Variants in NOX4 observed in about 807,000 individuals in gnomAD.
NOX4 encodes the protein kidney oxidase-1.
In NOX4, 69 loss-of-function variants were observed where a neutral mutation model predicts 87.6. The ratio of observed to expected loss-of-function variants is 0.79; its 90% CI spans 0.65 to 0.96. NOX4 has a LOEUF of 0.96. Ranked by LOEUF, NOX4 falls within the 40% of genes least tolerant of loss-of-function variation. NOX4 has a pLI of 0.00. For missense variants in NOX4, 680 were observed against 681.5 expected (o/e 1.00, Z 0.02); for synonymous variants, 275 against 238.2 (o/e 1.15, Z -1.42).
chr11:89,445,854 G>T (rs1467963031), intron 4 of NOX4, among the ~76,000 whole-genome samples: 1 of 152,000 alleles, frequency 6.6e-6, no homozygotes, highest in Non-Finnish European at 1.5e-5. Flanking sequence ...ATGAAAGAAA[G>T]AATTAATAAG....
chr11:89,573,407 C>T, the NOX4 span, among the ~76,000 whole-genome samples: 19 of 152,154 alleles, frequency 1.2e-4, no homozygotes, highest in African/African-American at 4.1e-4. Context: ...GGCGTGGTGG[C>T]GGACGCCTGT....
chr11:89,470,112 C>A (rs564107444), intron 2 of NOX4, among the ~76,000 whole-genome samples: 4 of 151,356 alleles, frequency 2.6e-5, no homozygotes, highest in Admixed American at 2.6e-4. Context: ...AGATACCTAC[C>A]CCAAAGGGTT....
intron 2 of NOX4, among the ~76,000 whole-genome samples, chr11:89,452,477 G>A (rs1462281912): frequency 1.3e-5 from 2 of 151,886 alleles, no homozygotes; most frequent in Admixed American, 1.3e-4. Context: ...AGAACCCACT[G>A]GTATACAAGC....
At chr11:89,551,025 A>G in the NOX4 span, among the ~76,000 whole-genome samples, 278 of 152,258 alleles carry the variant, frequency 1.8e-3, 3 homozygotes, top group Admixed American at 0.016. Flanking sequence ...TCCCAAAGTC[A>G]TTTATTAAAT....
the NOX4 span, among the ~76,000 whole-genome samples, chr11:89,515,284 GT>G: frequency 1.3e-5 from 2 of 151,596 alleles, no homozygotes; most frequent in Non-Finnish European, 3.0e-5. Context: ...TTTAGCGTGA[GT>G]TTTTTTTAGC....
At chr11:89,346,224 C>T (rs1337822305) in intron 13 of NOX4, among the ~76,000 whole-genome samples, 3 of 151,882 alleles carry the variant, frequency 2.0e-5, no homozygotes. Context: ...TTAAAAGGAA[C>T]ATGGTTTGAA....
the NOX4 span, among the ~76,000 whole-genome samples, chr11:89,521,401 A>T: frequency 0.52 from 78,889 of 151,886 alleles, 21,187 homozygotes; most frequent in African/African-American, 0.65. Context: ...ATTTGATCTT[A>T]GACAAAGTCA....
chr11:89,378,585 G>A (rs567928122), intron 11 of NOX4, among the ~76,000 whole-genome samples: 23 of 151,958 alleles, frequency 1.5e-4, no homozygotes, highest in Non-Finnish European at 2.6e-4. Flanking sequence ...CTTACACATA[G>A]AAGGTATCAG....
intron 2 of NOX4, among the ~76,000 whole-genome samples, chr11:89,457,973 C>T (rs1203164263): frequency 6.6e-6 from 1 of 152,120 alleles, no homozygotes; most frequent in Admixed American, 6.5e-5. Flanking sequence ...GTTAAAATGG[C>T]CATACTGGCC....
At chr11:89,505,110 G>T in the NOX4 span, among the ~76,000 whole-genome samples, 308 of 152,006 alleles carry the variant, frequency 2.0e-3, no homozygotes, top group African/African-American at 7.1e-3. Context: ...AAGTCTCAGA[G>T]GAAGGACTAT....
intron 7 of NOX4, among the ~76,000 whole-genome samples, chr11:89,432,174 G>T (rs530057249): frequency 2.0e-5 from 3 of 151,926 alleles, no homozygotes; most frequent in Non-Finnish European, 4.4e-5. Context: ...ACACAGGAAG[G>T]GGAACATCAC....
At position 89,490,531 on chromosome 11, in the gene NOX4, A is replaced by G; in HGVS notation, c.80T>C (p.Val27Ala). 1.2e-6 allele frequency: 2 copies of G among 1,614,026 alleles called. No individual in the cohort carries two copies. Among genetic ancestry groups the G allele is most frequent in the Non-Finnish European group, 1.7e-6 (2 of 1,179,914 alleles). The change falls in exon 2 of 18, where the codon GTC becomes GCC. Residue 27 changes from valine (V) to alanine (A), a missense_variant. By Grantham distance (64) the Val-to-Ala change is moderately conservative. Transcript: ENST00000263317. ...LCLFIWLSMN[V>A]LLFWKTFLLY... ...CAAGAAGGTTTTCCAGAAAAGCAGGACATTCATGGAGAGCCAGATGAACTA... is the reference window on the plus strand; with the variant it reads ...CAAGAAGGTTTTCCAGAAAAGCAGGGCATTCATGGAGAGCCAGATGAACTA...
At chr11:89,523,809 T>C in the NOX4 span, among the ~76,000 whole-genome samples, 1 of 152,154 alleles carries the variant, frequency 6.6e-6, no homozygotes, top group Non-Finnish European at 1.5e-5. Flanking sequence ...AACTAACTAC[T>C]AGTACATTCA....
upstream of NOX4, among the ~76,000 whole-genome samples, chr11:89,500,980 C>A (rs1488783673): frequency 6.6e-6 from 1 of 151,928 alleles, no homozygotes; most frequent in Non-Finnish European, 1.5e-5. Flanking sequence ...GTAGAAAGGA[C>A]CTGCAGGCTA....
In NOX4 at chr11:89,475,321, T is replaced by C. The variant is rs1053758634; in HGVS notation, c.153+15137A>G. Reference sequence around the variant, plus strand: ...ACAATTAGTAAATATAAAACAGTTATAAGAAAAATTATTTTTCTTAAGAAA... The same window carrying C: ...ACAATTAGTAAATATAAAACAGTTACAAGAAAAATTATTTTTCTTAAGAAA... On this transcript the variant is annotated intron_variant, in intron 2 of 17. Coordinates refer to ENST00000263317, the MANE Select transcript of NOX4 (RefSeq NM_016931.5). Among the ~76,000 whole-genome samples the C allele has an allele frequency of 6.6e-5, 10 of 152,058 alleles. No homozygotes were observed. The South Asian group carries it at 1.0e-3, about 16-fold the overall frequency.
Position 89,383,333 on chromosome 11 carries a change from C to T in NOX4, c.1075-9841G>A, listed in dbSNP as rs796197359. 1.6e-4 allele frequency among the ~76,000 whole-genome samples: 24 copies of T among 152,292 alleles called. 1 individual carries two copies. The highest frequency in any genetic ancestry group is 2.9e-4 in the African/African-American group (12 of 41,566). On this transcript the variant is annotated intron_variant, in intron 11 of 17. Coordinates refer to ENST00000263317, the MANE Select transcript of NOX4 (RefSeq NM_016931.5). ...CCTCCTAAGCCATGTCCCATCTATG[C>T]GGGACCCCGTTGGAAATCAAACTGT...
chr11:89,541,648 A>G, the NOX4 span, among the ~76,000 whole-genome samples: 1 of 152,208 alleles, frequency 6.6e-6, no homozygotes, highest in African/African-American at 2.4e-5. Flanking sequence ...TCAGAAATGA[A>G]CATTTAATAT....
the NOX4 span, among the ~76,000 whole-genome samples, chr11:89,539,887 C>CTTTAA: frequency 6.6e-6 from 1 of 151,730 alleles, no homozygotes; most frequent in South Asian, 2.1e-4. Flanking sequence ...TTTAATTCAC[C>CTTTAA]TTAATCTACC....
chr11:89,515,035 C>A, the NOX4 span, among the ~76,000 whole-genome samples: 1 of 151,938 alleles, frequency 6.6e-6, no homozygotes. Context: ...TAATTTGCTT[C>A]TAAGTTTTGG....
Sources: allele counts gnomAD v4.1 joint callset (sites outside exome capture counted in the v4.1 genomes callset), GRCh38; gene constraint gnomAD v4.1.1; transcripts MANE v1.5; gene names NCBI Gene and HGNC (gene_info 2026-07-23, HGNC 2026-07-21).